LMBRD1: variants seen among roughly 807,000 people sequenced by gnomAD.
LMBRD1 encodes the protein LMBR1 domain containing 1, also known as lysosomal cobalamin transport escort protein LMBD1.
In LMBRD1, 64 loss-of-function variants were observed where a neutral mutation model predicts 74.8. That is an observed-to-expected ratio of 0.86 (90% CI 0.70 to 1.05). LMBRD1 has a LOEUF of 1.05. Ranked by LOEUF, LMBRD1 falls within the 50% of genes least tolerant of loss-of-function variation. The pLI, the probability that LMBRD1 is intolerant of heterozygous loss-of-function variation, is 0.00. For missense variants in LMBRD1, 652 were observed against 645.9 expected (o/e 1.01, Z -0.10); for synonymous variants, 204 against 216.3 (o/e 0.94, Z 0.50).
intron 7 of LMBRD1, among the ~76,000 whole-genome samples, chr6:69,727,779 A>G (rs1225655959): frequency 6.6e-6 from 1 of 152,126 alleles, no homozygotes; most frequent in African/African-American, 2.4e-5. Flanking sequence ...AATAAAGCCT[A>G]TGGGAACTAA....
At chr6:69,750,120 A>G (rs1228437811) in intron 4 of LMBRD1, among the ~76,000 whole-genome samples, 4 of 147,720 alleles carry the variant, frequency 2.7e-5, no homozygotes, top group African/African-American at 5.0e-5. Flanking sequence ...AAGTATATAT[A>G]CACATATACA....
intron 6 of LMBRD1, among the ~76,000 whole-genome samples, chr6:69,740,248 G>C (rs1562107136): frequency 6.6e-6 from 1 of 152,132 alleles, no homozygotes; most frequent in Non-Finnish European, 1.5e-5. Flanking sequence ...AGCTCATCTA[G>C]AGTGATAAGT....
At chr6:69,767,445 T>A (rs1310144082) in intron 3 of LMBRD1, among the ~76,000 whole-genome samples, 1 of 151,852 alleles carries the variant, frequency 6.6e-6, no homozygotes, top group Non-Finnish European at 1.5e-5. Context: ...TGTGATTTCA[T>A]CTTGATCCAT....
intron 14 of LMBRD1, among the ~76,000 whole-genome samples, chr6:69,697,161 A>G (rs1192093309): frequency 6.6e-6 from 1 of 151,818 alleles, no homozygotes; most frequent in East Asian, 1.9e-4. Flanking sequence ...TATAACTAAC[A>G]CTATTATTAT....
intron 14 of LMBRD1, among the ~76,000 whole-genome samples, chr6:69,677,973 A>C (rs961089052): frequency 6.6e-6 from 1 of 152,150 alleles, no homozygotes; most frequent in Non-Finnish European, 1.5e-5. Flanking sequence ...AGCCATTCAG[A>C]GAGGCCTGTG....
rs1305756988 is a variant in LMBRD1 at position 69,675,046 on chromosome 6, T to C, written c.*1112A>G. ...AATCCTGGTGAATAATGCTAAAGGG[T>C]AGTTGCAGAAGCAGAAGCCAAATAC... On this transcript the variant is annotated 3_prime_UTR_variant, in exon 16 of 16. Transcript: ENST00000649934. Among the ~76,000 whole-genome samples the C allele has an allele frequency of 1.3e-5, 2 of 151,010 alleles. No individual in the cohort carries two copies. The highest frequency in any genetic ancestry group is 1.5e-5 in the Non-Finnish European group (1 of 67,672).
intron 3 of LMBRD1, among the ~76,000 whole-genome samples, chr6:69,773,039 A>G (rs1166639076): frequency 6.6e-6 from 1 of 152,218 alleles, no homozygotes; most frequent in Non-Finnish European, 1.5e-5. Context: ...AGTCAACTTC[A>G]AAGGTCTCAT....
intron 14 of LMBRD1, among the ~76,000 whole-genome samples, chr6:69,678,831 T>G (rs1272594460): frequency 5.9e-5 from 9 of 152,060 alleles, no homozygotes; most frequent in Non-Finnish European, 1.2e-4. Flanking sequence ...CTAATAACAC[T>G]TTTTTTGTTC....
chr6:69,729,471 A>C (rs1173386281), intron 7 of LMBRD1, among the ~76,000 whole-genome samples: 1 of 151,976 alleles, frequency 6.6e-6, no homozygotes, highest in Non-Finnish European at 1.5e-5. Context: ...ACTAAGTCCC[A>C]ATTCTTTTTC....
intron 14 of LMBRD1, among the ~76,000 whole-genome samples, chr6:69,690,527 T>C (rs1040524586): frequency 6.6e-5 from 10 of 152,184 alleles, no homozygotes; most frequent in African/African-American, 1.7e-4. Flanking sequence ...CTTTTGGTAA[T>C]AAATTCATGC....
chr6:69,766,686 CT>C (rs1291650212), intron 3 of LMBRD1, among the ~76,000 whole-genome samples: 2 of 151,574 alleles, frequency 1.3e-5, no homozygotes, highest in Non-Finnish European at 3.0e-5. Flanking sequence ...TTCCTTCATC[CT>C]CTATTTCCTA....
rs6901941 is a variant in LMBRD1, at chr6:69,681,074, G to T, written c.1418-4533C>A. On this transcript the variant is annotated intron_variant, in intron 14 of 15. Coordinates refer to ENST00000649934, the MANE Select transcript of LMBRD1 (RefSeq NM_018368.4). ...AACTTCTGACTGTTGTTCCTCAAAA[G>T]AAAATATAATTGAATTAAAGATTAA... 4.0e-3 allele frequency among the ~76,000 whole-genome samples: 609 copies of T among 151,702 alleles called. 4 individuals carry two copies. The highest frequency in any genetic ancestry group is 0.013 in the African/African-American group (551 of 41,432).
chr6:69,762,474 G>T (rs934846279), intron 3 of LMBRD1, among the ~76,000 whole-genome samples: 2 of 150,994 alleles, frequency 1.3e-5, no homozygotes, highest in Non-Finnish European at 1.5e-5. Context: ...AAAAAAGGAA[G>T]TTACAAACTG....
chr6:69,680,329 A>G (rs1765634324), intron 14 of LMBRD1, among the ~76,000 whole-genome samples: 1 of 152,188 alleles, frequency 6.6e-6, no homozygotes, highest in Non-Finnish European at 1.5e-5. Context: ...CTTAAAAAAT[A>G]AAAGTTATTT....
At chr6:69,677,350 T>C (rs1765568918) in intron 14 of LMBRD1, among the ~76,000 whole-genome samples, 1 of 152,168 alleles carries the variant, frequency 6.6e-6, no homozygotes, top group South Asian at 2.1e-4. Flanking sequence ...AGGTAGGTCA[T>C]AGAATTTCTT....
In LMBRD1 at chr6:69,676,761, A is replaced by G. The variant is rs3816563; in HGVS notation, c.1418-220T>C. Reference sequence around the variant, plus strand: ...GCCAATTAATATGACATATTAAAAAAAAAATGAATGCCACCAATGCAATCC... The same window carrying G: ...GCCAATTAATATGACATATTAAAAAGAAAATGAATGCCACCAATGCAATCC... On this transcript the variant is annotated intron_variant, in intron 14 of 15. Coordinates refer to ENST00000649934, the MANE Select transcript of LMBRD1 (RefSeq NM_018368.4). Among the ~76,000 whole-genome samples the G allele has an allele frequency of 0.36, 54,986 of 151,936 alleles. 10,531 individuals are homozygous for G. Among genetic ancestry groups the G allele is most frequent in the East Asian group, 0.54 (2,796 of 5,158 alleles).
rs1375668052 is a variant in LMBRD1 at position 69,693,467 on chromosome 6, T to A, written c.1417+4096A>T. Among the ~76,000 whole-genome samples, 6 of 152,034 alleles carry A rather than the reference T, an allele frequency of 3.9e-5. No individual in the cohort carries two copies. The East Asian group carries it at 1.2e-3, about 29-fold the overall frequency. On this transcript the variant is annotated intron_variant, in intron 14 of 15. Coordinates refer to ENST00000649934, the MANE Select transcript of LMBRD1 (RefSeq NM_018368.4). The stretch of plus-strand genomic sequence containing the variant: ...TGATAAGACAGCAACATATGGATTT[T>A]TAGAAATTGCTGCTTTAATATCTCT...
intron 3 of LMBRD1, among the ~76,000 whole-genome samples, chr6:69,765,334 T>C (rs1228171172): frequency 6.6e-6 from 1 of 152,172 alleles, no homozygotes; most frequent in Non-Finnish European, 1.5e-5. Context: ...TTTTTGCATA[T>C]AATAGTCCAA....
intron 7 of LMBRD1, among the ~76,000 whole-genome samples, chr6:69,733,035 G>C (rs911902519): frequency 2.0e-5 from 3 of 151,894 alleles, no homozygotes; most frequent in Non-Finnish European, 4.4e-5. Flanking sequence ...ACAGTAGTCA[G>C]AATCAGTAAA....
Sources: gnomAD v4.1 joint callset for allele counts (sites outside exome capture counted in the v4.1 genomes callset) on GRCh38, gnomAD v4.1.1 for gene constraint, MANE v1.5 for transcripts, NCBI Gene and HGNC (gene_info 2026-07-23, HGNC 2026-07-21) for gene names.